UBTD1: variants seen among roughly 807,000 people sequenced by gnomAD.
The protein encoded by UBTD1 is ubiquitin domain-containing protein 1.
Under a neutral mutation model 21.7 loss-of-function variants are expected in UBTD1, and 19 were observed. The observed-to-expected ratio is 0.87, with a 90% CI of 0.61 to 1.28. The LOEUF is 1.28. Ranked by LOEUF, UBTD1 falls within the 50% of genes most tolerant of loss-of-function variation. UBTD1 has a pLI of 0.00. For synonymous variants in UBTD1, 116 were observed against 135.1 expected (o/e 0.86, Z 0.98); for missense variants, 282 against 315.1 (o/e 0.89, Z 0.80).
At chr10:97,529,395 T>TG (rs1364500434) in intron 1 of UBTD1, among the ~76,000 whole-genome samples, 1 of 152,052 alleles carries the variant, frequency 6.6e-6, no homozygotes, top group Non-Finnish European at 1.5e-5. Flanking sequence ...CTCGGCACTT[T>TG]GGGGGGCCAA....
intron 1 of UBTD1, among the ~76,000 whole-genome samples, chr10:97,503,788 T>C (rs2040387464): frequency 6.6e-6 from 1 of 152,152 alleles, no homozygotes; most frequent in African/African-American, 2.4e-5. Flanking sequence ...GGGCAGACAG[T>C]AAACACATAG....
chr10:97,534,565 A>G (rs2040550359), intron 1 of UBTD1, among the ~76,000 whole-genome samples: 1 of 94,282 alleles, frequency 1.1e-5, no homozygotes, highest in South Asian at 5.4e-4. Context: ...ACTAAGGAAC[A>G]CACACGCGCG....
intron 1 of UBTD1, among the ~76,000 whole-genome samples, chr10:97,555,723 G>C (rs1445492180): frequency 6.6e-6 from 1 of 152,198 alleles, no homozygotes; most frequent in Non-Finnish European, 1.5e-5. Flanking sequence ...GAGTTTCGCA[G>C]TGTTCTTCTA....
intron 1 of UBTD1, among the ~76,000 whole-genome samples, chr10:97,514,494 A>C (rs1014096494): frequency 1.3e-5 from 2 of 152,094 alleles, no homozygotes; most frequent in East Asian, 3.8e-4. Context: ...GCATGAGGTC[A>C]TTTCAGGGGA....
At chr10:97,537,857 T>C (rs1279113536) in intron 1 of UBTD1, among the ~76,000 whole-genome samples, 1 of 145,944 alleles carries the variant, frequency 6.9e-6, no homozygotes, top group Non-Finnish European at 1.5e-5. Context: ...ACAGGGTCTC[T>C]CTCTGTCATC....
intron 1 of UBTD1, 78 bp from the exon 2 acceptor site, chr10:97,567,836 G>A: frequency 7.3e-7 from 1 of 1,371,274 alleles, no homozygotes; most frequent in Non-Finnish European, 1.0e-6. Context: ...CTGGCCTGGG[G>A]AGGGGAGGGG....
intron 1 of UBTD1, among the ~76,000 whole-genome samples, chr10:97,538,608 G>A (rs908127729): frequency 3.3e-5 from 5 of 152,192 alleles, no homozygotes; most frequent in African/African-American, 9.7e-5. Flanking sequence ...GACGTCCACC[G>A]TGCCTGGCAC....
chr10:97,558,393 C>T (rs2040675269), intron 1 of UBTD1, among the ~76,000 whole-genome samples: 1 of 152,144 alleles, frequency 6.6e-6, no homozygotes. Flanking sequence ...CCTGGGCATA[C>T]TTTAGGTTTT....
chr10:97,567,659 C>CAAAAACA (rs903468093), intron 1 of UBTD1, among the ~76,000 whole-genome samples: 2 of 151,810 alleles, frequency 1.3e-5, no homozygotes, highest in Admixed American at 6.6e-5. Context: ...AACTCCATCT[C>CAAAAACA]AAAAACAAAA....
At chr10:97,533,233 G>A (rs932234464) in intron 1 of UBTD1, among the ~76,000 whole-genome samples, 6 of 152,226 alleles carry the variant, frequency 3.9e-5, no homozygotes, top group Non-Finnish European at 5.9e-5. Flanking sequence ...TGACCCTTTG[G>A]TGACTGTGCT....
intron 1 of UBTD1, among the ~76,000 whole-genome samples, chr10:97,556,376 A>G (rs1444490616): frequency 6.6e-6 from 1 of 152,186 alleles, no homozygotes; most frequent in Non-Finnish European, 1.5e-5. Context: ...GCTAGCAAGT[A>G]CTCAAGAGCT....
chr10:97,517,622 G>A (rs190324766), intron 1 of UBTD1, among the ~76,000 whole-genome samples: 21 of 152,274 alleles, frequency 1.4e-4, no homozygotes, highest in Admixed American at 3.3e-4. Flanking sequence ...GGCACTGCCC[G>A]GTGGCCCTCT....
intron 1 of UBTD1, among the ~76,000 whole-genome samples, chr10:97,532,100 G>A (rs2135670485): frequency 6.6e-6 from 1 of 152,310 alleles, no homozygotes; most frequent in East Asian, 1.9e-4. Flanking sequence ...GGTTAGAAAG[G>A]TGAGAGAGTC....
intron 1 of UBTD1, among the ~76,000 whole-genome samples, chr10:97,508,024 G>A (rs935533401): frequency 2.0e-5 from 3 of 152,206 alleles, no homozygotes; most frequent in Non-Finnish European, 2.9e-5. Context: ...AAGGCTCAGA[G>A]AGATGTAATT....
At chr10:97,526,337 A>G (rs969511021) in intron 1 of UBTD1, among the ~76,000 whole-genome samples, 4 of 152,222 alleles carry the variant, frequency 2.6e-5, no homozygotes. Context: ...TAGAGAATGA[A>G]GCCGAAGTGT....
In UBTD1 at chr10:97,570,211, G is replaced by A. The variant is rs2040738723; in HGVS notation, c.372G>A (p.Val124=). Residue 124 remains valine (V), a synonymous_variant, in exon 3 of 3, where the codon GTG becomes GTA. Transcript: ENST00000370664. The surrounding 1 kb of genome is among the most constrained non-coding windows in gnomAD (Gnocchi z 6.6). ...CCATCTACTGCCTGTCACCGCCGGT[G>A]AACCTGCTGCTGGAGCACACGGAGG... ...QLPIYCLSPP[V]NLLLEHTEEE... 1 of 1,613,226 alleles carries A rather than the reference G, an allele frequency of 6.2e-7. No homozygotes were observed. The highest frequency in any genetic ancestry group is 1.3e-5 in the African/African-American group (1 of 74,926).
At chr10:97,519,380 G>A (rs1316918310) in intron 1 of UBTD1, among the ~76,000 whole-genome samples, 1 of 152,186 alleles carries the variant, frequency 6.6e-6, no homozygotes, top group Non-Finnish European at 1.5e-5. Context: ...AGAAATAATA[G>A]CCTAATCTTG....
chr10:97,559,087 G>A (rs751406952), intron 1 of UBTD1, among the ~76,000 whole-genome samples: 27 of 152,140 alleles, frequency 1.8e-4, no homozygotes, highest in Non-Finnish European at 2.1e-4. Context: ...AGGTCTCCAC[G>A]GAATGCTAAG....
intron 1 of UBTD1, among the ~76,000 whole-genome samples, chr10:97,521,755 G>A (rs1344934036): frequency 6.6e-6 from 1 of 152,218 alleles, no homozygotes; most frequent in Non-Finnish European, 1.5e-5. Flanking sequence ...GCAGCAGTGT[G>A]TGCCTGGCCC....
Sources: allele counts gnomAD v4.1 joint callset (sites outside exome capture counted in the v4.1 genomes callset), GRCh38; gene constraint gnomAD v4.1.1; non-coding constraint Gnocchi (gnomAD v3.1); transcripts MANE v1.5; gene names NCBI Gene and HGNC (gene_info 2026-07-23, HGNC 2026-07-21).